FBXW11: variants seen among roughly 807,000 people sequenced by gnomAD.
FBXW11 encodes the protein F-box and WD repeat domain containing 11.
Under a neutral mutation model 77.6 loss-of-function variants are expected in FBXW11, and 19 were observed. The observed-to-expected ratio is 0.24, with a 90% CI of 0.17 to 0.36. The LOEUF (loss-of-function observed/expected upper bound fraction) is 0.36, where lower values mean the gene tolerates loss of function less well. FBXW11 is among the 10% of genes least tolerant of loss of function. The probability of loss-of-function intolerance (pLI) is 1.00; values close to 1 mark genes in which losing one functional copy is unlikely to be tolerated. For missense variants in FBXW11, 334 were observed against 704.2 expected (o/e 0.47, Z 5.95); for synonymous variants, 235 against 249.4 (o/e 0.94, Z 0.54).
chr5:171,992,748 A>G (rs190909270), intron 1 of FBXW11, among the ~76,000 whole-genome samples: 15 of 152,110 alleles, frequency 9.9e-5, no homozygotes, highest in Admixed American at 5.2e-4. Context: ...AAACTCCCCA[A>G]TATTTCTCTC....
chr5:171,892,447 C>T (rs1253786790), intron 6 of FBXW11, among the ~76,000 whole-genome samples: 1 of 152,204 alleles, frequency 6.6e-6, no homozygotes, highest in East Asian at 1.9e-4. Flanking sequence ...CAGTTCTTTC[C>T]GACTCCAAAC....
chr5:171,973,262 A>G (rs962940281), intron 1 of FBXW11, among the ~76,000 whole-genome samples: 1 of 152,232 alleles, frequency 6.6e-6, no homozygotes. Flanking sequence ...GAAAGTGGGA[A>G]GTTATACAGA....
chr5:171,917,766 C>G lies in FBXW11; in HGVS notation c.148-3361G>C, dbSNP rs957616087. Among the ~76,000 whole-genome samples, 40 of 147,580 alleles carry G rather than the reference C, an allele frequency of 2.7e-4. No homozygotes were observed. In the South Asian group the frequency reaches 3.5e-3, roughly 13 times the overall value. ...CACATCCTTGCACTCTAGACTCACT[C>G]TGTGTGTGTGTGTGTGTGTGTGTGT... is the stretch of plus-strand genomic sequence containing the variant. On this transcript the variant is annotated intron_variant, in intron 2 of 13. Transcript: ENST00000517395.
At chr5:171,870,609 G>C (rs1757698875) in intron 11 of FBXW11, 139 bp downstream of exon 11, 1 of 603,536 alleles carries the variant, frequency 1.7e-6, no homozygotes, top group Admixed American at 3.1e-5. Flanking sequence ...CTAAACAACA[G>C]GTATAATAAT....
chr5:171,940,967 T>C (rs1762723198), intron 2 of FBXW11, among the ~76,000 whole-genome samples: 2 of 151,410 alleles, frequency 1.3e-5, no homozygotes. Flanking sequence ...AAATAAATAA[T>C]GATAATAAAA....
intron 1 of FBXW11, among the ~76,000 whole-genome samples, chr5:172,006,218 G>T (rs1766756225): frequency 6.6e-6 from 1 of 152,214 alleles, no homozygotes; most frequent in African/African-American, 2.4e-5. Flanking sequence ...GACCGGAGAC[G>T]GGACCAGGGG....
At chr5:171,944,881 C>T (rs747941269) in intron 2 of FBXW11, among the ~76,000 whole-genome samples, 1 of 152,100 alleles carries the variant, frequency 6.6e-6, no homozygotes, top group Non-Finnish European at 1.5e-5. Context: ...TAATATTATA[C>T]CAGATAATCC....
intron 2 of FBXW11, among the ~76,000 whole-genome samples, chr5:171,951,015 C>T (rs1317549513): frequency 1.4e-4 from 21 of 151,898 alleles, no homozygotes; most frequent in Admixed American, 1.3e-3. Context: ...TGTTAACATT[C>T]GTTTCTTAGG....
At chr5:171,955,263 G>C (rs906386227) in intron 2 of FBXW11, among the ~76,000 whole-genome samples, 2 of 152,304 alleles carry the variant, frequency 1.3e-5, no homozygotes, top group African/African-American at 4.8e-5. Flanking sequence ...GGCTCAAGTT[G>C]CAATTATCAG....
intron 1 of FBXW11, among the ~76,000 whole-genome samples, chr5:171,968,877 C>T (rs888976685): frequency 2.6e-5 from 4 of 152,134 alleles, no homozygotes; most frequent in African/African-American, 7.2e-5. Context: ...ATGTGCACAA[C>T]GAGATCCTGA....
chr5:172,002,414 ATGTGTGTGTGTGTG>A (rs55720474), intron 1 of FBXW11, among the ~76,000 whole-genome samples: 5 of 143,978 alleles, frequency 3.5e-5, no homozygotes, highest in Non-Finnish European at 7.6e-5. Context: ...TTTTATATAA[ATGTGTGTGTGTGTG>A]TGTGTGTGTG....
chr5:172,001,505 T>C (rs1403527607), intron 1 of FBXW11, among the ~76,000 whole-genome samples: 1 of 152,242 alleles, frequency 6.6e-6, no homozygotes, highest in Non-Finnish European at 1.5e-5. Flanking sequence ...ATGAAGGAAC[T>C]GTGTGTCACT....
chr5:171,870,713 TTA>T (rs1172477822), intron 11 of FBXW11, 33 bp downstream of exon 11: 7 of 1,434,020 alleles, frequency 4.9e-6, no homozygotes, highest in Non-Finnish European at 5.9e-6. Context: ...CTTGATACAG[TTA>T]TAGCAGTACA....
At chr5:171,892,547 T>C (rs1759426248) in intron 6 of FBXW11, among the ~76,000 whole-genome samples, 1 of 152,182 alleles carries the variant, frequency 6.6e-6, no homozygotes, top group South Asian at 2.1e-4. Context: ...AGAAGATCAG[T>C]AACAATTCCA....
chr5:171,900,543 T>TTAC (rs1393609932), intron 4 of FBXW11, among the ~76,000 whole-genome samples: 6 of 152,174 alleles, frequency 3.9e-5, no homozygotes, highest in Non-Finnish European at 7.3e-5. Context: ...CATTCCCATC[T>TTAC]TACTCACTGT....
At chr5:171,958,674 A>G (rs2113328748) in intron 1 of FBXW11, among the ~76,000 whole-genome samples, 1 of 152,362 alleles carries the variant, frequency 6.6e-6, no homozygotes, top group Non-Finnish European at 1.5e-5. Flanking sequence ...TACTACGGCT[A>G]CTACTTAATA....
chr5:171,937,546 G>C (rs571113072), intron 2 of FBXW11, among the ~76,000 whole-genome samples: 23 of 152,020 alleles, frequency 1.5e-4, no homozygotes, highest in Non-Finnish European at 3.1e-4. Flanking sequence ...TTATAAAAAC[G>C]CAGTGGGGGC....
At chr5:171,892,359 C>CT (rs1759410802) in intron 6 of FBXW11, among the ~76,000 whole-genome samples, 1 of 152,138 alleles carries the variant, frequency 6.6e-6, no homozygotes, top group African/African-American at 2.4e-5. Context: ...TTATTATTTC[C>CT]TTTTTACAAA....
intron 6 of FBXW11, among the ~76,000 whole-genome samples, chr5:171,893,903 A>G (rs1006223985): frequency 2.0e-5 from 3 of 152,178 alleles, no homozygotes; most frequent in African/African-American, 4.8e-5. Flanking sequence ...GTTATGCTCT[A>G]TATTTCAATG....
Sources: allele counts gnomAD v4.1 joint callset (sites outside exome capture counted in the v4.1 genomes callset), GRCh38; gene constraint gnomAD v4.1.1; transcripts MANE v1.5; gene names NCBI Gene and HGNC (gene_info 2026-07-23, HGNC 2026-07-21).